The following GRIA1 variants were observed in gnomAD, a reference collection of about 807,000 sequenced individuals.
GRIA1 encodes the protein glutamate ionotropic receptor AMPA type subunit 1.
GRIA1 carries 31 observed loss-of-function variants against 99.2 expected under a neutral mutation model. The observed-to-expected ratio is 0.31, with a 90% CI of 0.23 to 0.42. The LOEUF (loss-of-function observed/expected upper bound fraction) is 0.42, where lower values mean the gene tolerates loss of function less well. Ranked by LOEUF, GRIA1 falls within the 10% of genes least tolerant of loss-of-function variation. GRIA1 has a pLI of 1.00. For synonymous variants in GRIA1, 438 were observed against 432.4 expected, an observed-to-expected ratio of 1.01 and a Z score of -0.16; for missense variants, 782 against 1,157.5, an observed-to-expected ratio of 0.68 and a Z score of 4.71.
chr5:153,660,022 TAAAC>T (rs1272092403), intron 5 of GRIA1, among the ~76,000 whole-genome samples: 1 of 152,100 alleles, frequency 6.6e-6, no homozygotes, highest in Admixed American at 6.6e-5. Context: ...TCCTATGAAG[TAAAC>T]AAGGTGGAAT....
At chr5:153,500,640 C>T (rs1594074) in intron 2 of GRIA1, among the ~76,000 whole-genome samples, 10,553 of 148,978 alleles carry the variant, frequency 0.071, 975 homozygotes, top group African/African-American at 0.23. Flanking sequence ...CACACACACA[C>T]ACACACACAC....
Position 153,770,305 on chromosome 5 carries a change from C to T in GRIA1, c.2160C>T (p.Ser720=), listed in dbSNP as rs1390099560. ...SKGKYAYLLE[S]TMNEYIEQRK... is the part of the protein sequence containing the mutation. ...GCAAATATGCCTACCTCCTGGAGTC[C>T]ACCATGAATGAGTACATTGAGCAGC... Residue 720 remains serine (S), a synonymous_variant, in exon 13 of 16, where the codon TCC becomes TCT. Transcript: ENST00000285900. 7.4e-6 allele frequency: 12 copies of T among 1,613,882 alleles called. No individual in the cohort carries two copies. Among genetic ancestry groups the T allele is most frequent in the East Asian group, 2.2e-5 (1 of 44,866 alleles).
chr5:153,491,111 C>T (rs897694207), intron 1 of GRIA1, 141 bp downstream of exon 1: 3 of 1,030,814 alleles, frequency 2.9e-6, no homozygotes, highest in Non-Finnish European at 4.4e-6. Context: ...AGAAGGGAGA[C>T]TTGGGCTTAC....
chr5:153,620,543 G>T (rs1766940059), intron 2 of GRIA1, among the ~76,000 whole-genome samples: 1 of 152,184 alleles, frequency 6.6e-6, no homozygotes, highest in Non-Finnish European at 1.5e-5. Flanking sequence ...TGTTACACAT[G>T]AGCCTGAGCT....
chr5:153,641,908 A>G (rs1462670615), intron 2 of GRIA1, among the ~76,000 whole-genome samples: 1 of 152,102 alleles, frequency 6.6e-6, no homozygotes, highest in Non-Finnish European at 1.5e-5. Context: ...GACAATCCCA[A>G]AGTGGTTGGG....
At chr5:153,629,021 C>T (rs1171485749) in intron 2 of GRIA1, among the ~76,000 whole-genome samples, 1 of 152,202 alleles carries the variant, frequency 6.6e-6, no homozygotes, top group Non-Finnish European at 1.5e-5. Flanking sequence ...CCAATGAGAA[C>T]CTCCAGCCCA....
intron 15 of GRIA1, among the ~76,000 whole-genome samples, chr5:153,810,037 A>G (rs1396741766): frequency 3.9e-5 from 6 of 152,216 alleles, no homozygotes; most frequent in African/African-American, 1.2e-4. Flanking sequence ...TGGATTTCCT[A>G]TCATCAATGG....
At position 153,726,228 on chromosome 5, in the gene GRIA1, C is replaced by T. The variant is rs555756024; in HGVS notation, c.1823+20161C>T. Among the ~76,000 whole-genome samples, 87 of 149,760 alleles carry T rather than the reference C, an allele frequency of 5.8e-4. No individual in the cohort carries two copies. In the Middle Eastern group the frequency reaches 0.01, roughly 18 times the overall value. On this transcript the variant is annotated intron_variant, in intron 11 of 15. Coordinates refer to ENST00000285900, the MANE Select transcript of GRIA1 (RefSeq NM_000827.4). ...ACACAACATACCAGAATCTCTGGGACGCATTCAAAGCAGTGTGTAGAGGGA... is the reference window on the plus strand; with the variant it reads ...ACACAACATACCAGAATCTCTGGGATGCATTCAAAGCAGTGTGTAGAGGGA...
At chr5:153,684,877 C>T (rs1581466086) in intron 7 of GRIA1, among the ~76,000 whole-genome samples, 2 of 152,164 alleles carry the variant, frequency 1.3e-5, no homozygotes, top group East Asian at 3.9e-4. Flanking sequence ...TTGCTCAGTG[C>T]TCTGGGCCTG....
chr5:153,642,221 T>G (rs1025809075), intron 2 of GRIA1, among the ~76,000 whole-genome samples: 26 of 152,250 alleles, frequency 1.7e-4, no homozygotes, highest in Admixed American at 1.4e-3. Flanking sequence ...ATTTCAAACA[T>G]CCATGACATA....
intron 15 of GRIA1, among the ~76,000 whole-genome samples, chr5:153,808,321 G>A (rs1766576803): frequency 6.6e-6 from 1 of 152,026 alleles, no homozygotes; most frequent in Admixed American, 6.6e-5. Context: ...AGGGATAAGG[G>A]AAAGCCACAT....
rs1466885216 is a variant in GRIA1 at position 153,698,118 on chromosome 5, T to G, written c.1209T>G (p.Ser403Arg). The change falls in exon 9 of 16, where the codon AGT becomes AGG. Residue 403 changes from serine to arginine, a missense_variant. By Grantham distance (110) the Ser-to-Arg change is moderately radical. This residue lies in a region of GRIA1 where 461 missense variants were observed against 521.7 expected (regional missense o/e 0.88). Coordinates refer to ENST00000285900, the MANE Select transcript of GRIA1 (RefSeq NM_000827.4). ...CCCAAGCTGGGGGCGATAATTCAAG[T>G]GTTCAGAACAGAACATACATCGTCA... ...TDAQAGGDNS[S>R]VQNRTYIVTT... 6.2e-7 allele frequency: 1 copy of G among 1,608,288 alleles called. No homozygotes were observed.
At chr5:153,674,726 A>G in intron 6 of GRIA1, 65 bp downstream of exon 6, 1 of 1,496,226 alleles carries the variant, frequency 6.7e-7, no homozygotes, top group Non-Finnish European at 9.2e-7. Flanking sequence ...CAGATTTCTG[A>G]GCTGCATTAG....
In GRIA1 at chr5:153,775,329, G is replaced by A. The variant is rs111535195; in HGVS notation, c.2270+4914G>A. Among the ~76,000 whole-genome samples the A allele has an allele frequency of 6.1e-3, 930 of 152,306 alleles. 10 individuals are homozygous for A. Among genetic ancestry groups the A allele is most frequent in the African/African-American group, 0.021 (885 of 41,564 alleles). On this transcript the variant is annotated intron_variant, in intron 13 of 15. Transcript: ENST00000285900. ...ACAAACTACCTACCAGGAGTTTAAC[G>A]GATTTGCTAAGAGTTAGACCCTAAT...
intron 2 of GRIA1, among the ~76,000 whole-genome samples, chr5:153,601,801 T>G (rs1184623890): frequency 6.6e-6 from 1 of 152,192 alleles, no homozygotes; most frequent in Admixed American, 6.5e-5. Flanking sequence ...TAATGCAGAT[T>G]GTTATCAATT....
chr5:153,707,441 A>C (rs528849740), intron 11 of GRIA1, among the ~76,000 whole-genome samples: 1 of 152,186 alleles, frequency 6.6e-6, no homozygotes, highest in Admixed American at 6.5e-5. Flanking sequence ...ATTCCCCACC[A>C]ATTTGCCTGA....
intron 2 of GRIA1, among the ~76,000 whole-genome samples, chr5:153,545,123 C>G (rs1410926587): frequency 1.3e-5 from 2 of 152,118 alleles, no homozygotes; most frequent in African/African-American, 4.8e-5. Context: ...CCTGGCTGAC[C>G]TTAATAGAAA....
intron 11 of GRIA1, among the ~76,000 whole-genome samples, chr5:153,760,919 T>C (rs1486216626): frequency 1.3e-5 from 2 of 151,938 alleles, no homozygotes; most frequent in African/African-American, 2.4e-5. Context: ...GTCAAAAACA[T>C]GCAATGGGGA....
At chr5:153,768,063 G>C (rs1225035958) in intron 12 of GRIA1, among the ~76,000 whole-genome samples, 2 of 152,154 alleles carry the variant, frequency 1.3e-5, no homozygotes, top group Admixed American at 1.3e-4. Context: ...ATTGCATCTT[G>C]CAATTGCCCT....
Sources: gnomAD v4.1 joint callset for allele counts (sites outside exome capture counted in the v4.1 genomes callset) on GRCh38, gnomAD v4.1.1 for gene constraint, gnomAD v4.1.1 regional missense constraint, MANE v1.5 for transcripts, NCBI Gene and HGNC (gene_info 2026-07-23, HGNC 2026-07-21) for gene names.